The following CELF2 variants were observed in gnomAD, a reference collection of about 807,000 sequenced individuals.
CELF2 encodes CUG triplet repeat RNA-binding protein 2.
In CELF2, 8 loss-of-function variants were observed where a neutral mutation model predicts 62.6. The ratio of observed to expected loss-of-function variants is 0.13; its 90% CI spans 0.07 to 0.23. The LOEUF (loss-of-function observed/expected upper bound fraction) is 0.23. Ranked by LOEUF, CELF2 falls within the 10% of genes least tolerant of loss-of-function variation. The pLI is 1.00. For synonymous variants in CELF2, 258 were observed against 250.0 expected (o/e 1.03, Z -0.30); for missense variants, 333 against 671.0 (o/e 0.50, Z 5.56).
chr10:11,017,842 T>G (rs942703168), upstream of CELF2: 4 of 590,946 alleles, frequency 6.8e-6, no homozygotes, highest in Non-Finnish European at 8.5e-6. This position sits in a 1 kb window ranked among gnomAD's most constrained non-coding sequence, Gnocchi z 5.5. Flanking sequence ...CCCGCAGGGG[T>G]TAAGCGGCGG....
intron 8 of CELF2, 144 bp from the exon 9 acceptor site, chr10:11,288,273 GC>G: frequency 1.1e-6 from 1 of 909,590 alleles, no homozygotes; most frequent in Non-Finnish European, 1.6e-6. Flanking sequence ...GGGCTGGAGA[GC>G]CCAGCTCCCA....
At chr10:10,836,731 G>T (rs1177735305) in intron 1 of CELF2, among the ~76,000 whole-genome samples, 1 of 152,182 alleles carries the variant, frequency 6.6e-6, no homozygotes, top group East Asian at 1.9e-4. Context: ...TGCCTCCCAG[G>T]TTCAATTGAT....
At chr10:10,536,022 A>AC in the CELF2 span, among the ~76,000 whole-genome samples, 1 of 140,232 alleles carries the variant, frequency 7.1e-6, no homozygotes, top group Non-Finnish European at 1.5e-5. Flanking sequence ...AAGCTTTTGG[A>AC]TTTTTTTTTT....
the CELF2 span, among the ~76,000 whole-genome samples, chr10:10,687,267 C>G: frequency 6.6e-6 from 1 of 152,308 alleles, no homozygotes; most frequent in Non-Finnish European, 1.5e-5. Context: ...TAACTTTCCT[C>G]CACCTCAGAT....
intron 1 of CELF2, among the ~76,000 whole-genome samples, chr10:11,067,769 C>T (rs756301787): frequency 6.6e-6 from 1 of 152,164 alleles, no homozygotes; most frequent in Non-Finnish European, 1.5e-5. Flanking sequence ...TCAGATCAGG[C>T]ATGAATTTAA....
chr10:10,673,062 G>T, the CELF2 span, among the ~76,000 whole-genome samples: 10 of 151,956 alleles, frequency 6.6e-5, no homozygotes, highest in East Asian at 1.4e-3. Context: ...TAATGCAAAT[G>T]GTATTGTGTT....
chr10:10,682,124 A>T, the CELF2 span, among the ~76,000 whole-genome samples: 2 of 152,182 alleles, frequency 1.3e-5, no homozygotes, highest in African/African-American at 4.8e-5. Flanking sequence ...ACAGGTATCA[A>T]AATCCTCAAT....
At chr10:11,192,634 G>C (rs779612132) in intron 2 of CELF2, among the ~76,000 whole-genome samples, 2 of 152,248 alleles carry the variant, frequency 1.3e-5, no homozygotes, top group African/African-American at 4.8e-5. Context: ...AGTGAGGGAC[G>C]TGGAGATCCG....
intron 1 of CELF2, among the ~76,000 whole-genome samples, chr10:10,868,769 A>C (rs2060541733): frequency 6.6e-6 from 1 of 152,244 alleles, no homozygotes; most frequent in Non-Finnish European, 1.5e-5. Context: ...CAATGGATGT[A>C]TCATTTGTGA....
In CELF2 at chr10:11,197,074, A is replaced by AGAAAGAAAGAAAGAAAGAAAG. The variant is rs1565234637; in HGVS notation, c.272-20340_272-20339insAGAAAGAAAGGAAAGAAAGAA. 4.2e-5 allele frequency among the ~76,000 whole-genome samples: 6 copies of AGAAAGAAAGAAAGAAAGAAAG among 141,496 alleles called. 1 individual carries two copies. Among genetic ancestry groups the AGAAAGAAAGAAAGAAAGAAAG allele is most frequent in the African/African-American group, 1.4e-4 (5 of 35,920 alleles). The allele number at this position is 141,496 out of a possible 152,430, so 92.8% of individuals were successfully genotyped here. A position where few individuals can be genotyped will look rare whatever the true frequency, so the allele number is the denominator to read the frequency against. Reference sequence around the variant, plus strand: ...GAAAGAAAGAAAAGAAAGAAAGGAAAGAAAGAAAGAAGAAAGAAAGAAGGG... The same window carrying AGAAAGAAAGAAAGAAAGAAAG: ...GAAAGAAAGAAAAGAAAGAAAGGAAAGAAAGAAAGAAAGAAAGAAAGGAAAGAAAGAAGAAAGAAAGAAGGG... On this transcript the variant is annotated intron_variant, in intron 2 of 12. Coordinates refer to ENST00000633077, the MANE Select transcript of CELF2 (RefSeq NM_001326342.2).
intron 1 of CELF2, among the ~76,000 whole-genome samples, chr10:11,131,848 G>A (rs183803990): frequency 2.6e-5 from 4 of 152,256 alleles, no homozygotes; most frequent in Non-Finnish European, 5.9e-5. Flanking sequence ...TATTGCGGCT[G>A]GTTAGACATA....
chr10:10,465,651 T>G, the CELF2 span, among the ~76,000 whole-genome samples: 1 of 152,134 alleles, frequency 6.6e-6, no homozygotes, highest in Non-Finnish European at 1.5e-5. Context: ...CCACTGCCTT[T>G]GTCATTCATA....
At chr10:10,783,447 C>A in the CELF2 span, among the ~76,000 whole-genome samples, 102 of 152,270 alleles carry the variant, frequency 6.7e-4, no homozygotes, top group African/African-American at 2.4e-3. Context: ...AGAACAGATT[C>A]TCTCTCACAG....
chr10:11,044,642 T>C (rs1451740777), intron 1 of CELF2, among the ~76,000 whole-genome samples: 2 of 152,210 alleles, frequency 1.3e-5, no homozygotes, highest in African/African-American at 4.8e-5. Context: ...CTGGTTTTAA[T>C]ACATTATAAC....
At chr10:10,941,997 A>C (rs2047105818) in intron 2 of CELF2, among the ~76,000 whole-genome samples, 2 of 151,794 alleles carry the variant, frequency 1.3e-5, no homozygotes, top group Admixed American at 1.3e-4. Context: ...GTCTCAAAAA[A>C]AAAAAAAAAA....
chr10:11,219,787 T>C (rs901539894), intron 3 of CELF2, among the ~76,000 whole-genome samples: 7 of 152,212 alleles, frequency 4.6e-5, no homozygotes, highest in Non-Finnish European at 1.0e-4. Context: ...TGCATATTCT[T>C]GGAAGAAAAA....
At chr10:10,933,537 G>C (rs957121102) in intron 2 of CELF2, among the ~76,000 whole-genome samples, 1 of 152,002 alleles carries the variant, frequency 6.6e-6, no homozygotes, top group African/African-American at 2.4e-5. Context: ...AGAGCAACAA[G>C]AGCTTAGTAT....
intron 1 of CELF2, among the ~76,000 whole-genome samples, chr10:11,147,125 G>A (rs1284659055): frequency 1.3e-5 from 2 of 152,162 alleles, no homozygotes; most frequent in Non-Finnish European, 2.9e-5. Context: ...CCTTGTGCCT[G>A]CCAGGCTCTC....
chr10:10,923,865 A>C (rs2065159815), intron 2 of CELF2: 1 of 152,192 alleles, frequency 6.6e-6, no homozygotes, highest in Non-Finnish European at 1.5e-5. Flanking sequence ...CAATCTTATA[A>C]ATGACTCCTT....
Sources: gnomAD v4.1 joint callset for allele counts (sites outside exome capture counted in the v4.1 genomes callset) on GRCh38, gnomAD v4.1.1 for gene constraint, Gnocchi (gnomAD v3.1) non-coding constraint, MANE v1.5 for transcripts, NCBI Gene and HGNC (gene_info 2026-07-23, HGNC 2026-07-21) for gene names.